The following CTNND2 variants were observed in gnomAD, a reference collection of about 807,000 sequenced individuals.
CTNND2 encodes the protein catenin delta-2.
Under a neutral mutation model 144.4 loss-of-function variants are expected in CTNND2, and 22 were observed. The ratio of observed to expected loss-of-function variants is 0.15; its 90% CI spans 0.11 to 0.22. The LOEUF (loss-of-function observed/expected upper bound fraction) is 0.22. Among genes scored for constraint, CTNND2 ranks in the 10% least tolerant of loss-of-function variants. The pLI is 1.00. For synonymous variants in CTNND2, 751 were observed against 695.6 expected, an observed-to-expected ratio of 1.08 and a Z score of -1.25; for missense variants, 1,353 against 1,618.8, an observed-to-expected ratio of 0.84 and a Z score of 2.82.
At chr5:11,150,776 G>A (rs557200067) in intron 12 of CTNND2, among the ~76,000 whole-genome samples, 21 of 151,978 alleles carry the variant, frequency 1.4e-4, no homozygotes, top group Non-Finnish European at 2.1e-4. Flanking sequence ...ACAGGTGCCC[G>A]CCAGCTCACC....
At chr5:10,997,043 G>T (rs183390825) in intron 18 of CTNND2, among the ~76,000 whole-genome samples, 12 of 152,226 alleles carry the variant, frequency 7.9e-5, no homozygotes, top group African/African-American at 2.6e-4. Context: ...GGAGGCTTGG[G>T]TGATTGTGAC....
chr5:11,829,499 G>C (rs528581659), intron 1 of CTNND2, among the ~76,000 whole-genome samples: 124 of 152,314 alleles, frequency 8.1e-4, no homozygotes, highest in African/African-American at 2.9e-3. Flanking sequence ...GTAAAGCTCA[G>C]GCCATGGCTT....
At chr5:11,708,853 C>T (rs1399610773) in intron 2 of CTNND2, among the ~76,000 whole-genome samples, 2 of 152,198 alleles carry the variant, frequency 1.3e-5, no homozygotes, top group Non-Finnish European at 2.9e-5. Flanking sequence ...GACCCACAGG[C>T]ATCCACTGAT....
intron 1 of CTNND2, among the ~76,000 whole-genome samples, chr5:11,894,844 C>A (rs1465234897): frequency 6.6e-6 from 1 of 152,142 alleles, no homozygotes; most frequent in Non-Finnish European, 1.5e-5. Flanking sequence ...CAAAACCAAC[C>A]CAAAGCAAGC....
At chr5:11,150,570 C>G (rs567278458) in intron 12 of CTNND2, among the ~76,000 whole-genome samples, 3 of 149,290 alleles carry the variant, frequency 2.0e-5, no homozygotes, top group South Asian at 2.1e-4. Context: ...GCTCTGCATG[C>G]TGACATCAGG....
At chr5:11,880,138 CCT>C (rs1735919490) in intron 1 of CTNND2, among the ~76,000 whole-genome samples, 1 of 152,118 alleles carries the variant, frequency 6.6e-6, no homozygotes, top group South Asian at 2.1e-4. Context: ...CTTAATTCAT[CCT>C]GATACACAAC....
chr5:11,168,567 G>A (rs1759579261), intron 11 of CTNND2, among the ~76,000 whole-genome samples: 2 of 152,078 alleles, frequency 1.3e-5, no homozygotes, highest in Non-Finnish European at 2.9e-5. Flanking sequence ...CAAGAACTTT[G>A]AAAAAATGTC....
At chr5:11,388,238 T>A (rs531436785) in intron 6 of CTNND2, among the ~76,000 whole-genome samples, 89 of 152,356 alleles carry the variant, frequency 5.8e-4, no homozygotes, top group African/African-American at 1.5e-3. Context: ...TGAATCCATT[T>A]GCATAAGAAG....
rs557008972 is a variant in CTNND2, at chr5:11,442,818, A to G, written c.288-30749T>C. On this transcript the variant is annotated intron_variant, in intron 3 of 21. Transcript: ENST00000304623. ...ATATATGTATATAATTTTATATAAT[A>G]TATAATGATTATATTATAATTTTAT... is the stretch of plus-strand genomic sequence containing the variant. Among the ~76,000 whole-genome samples the G allele has an allele frequency of 1.1e-4, 16 of 143,444 alleles. No individual in the cohort carries two copies. The East Asian group carries it at 3.2e-3, about 28-fold the overall frequency. 94.1% of individuals were successfully genotyped at this position (143,444 alleles called of 152,430 possible). A position where few individuals can be genotyped will look rare whatever the true frequency, so the allele number is the denominator to read the frequency against.
intron 1 of CTNND2, among the ~76,000 whole-genome samples, chr5:11,746,672 A>C (rs1240202025): frequency 1.3e-5 from 2 of 152,130 alleles, no homozygotes; most frequent in African/African-American, 2.4e-5. Flanking sequence ...TACATCCCCT[A>C]ATTAGTTCAT....
chr5:11,864,882 CCTTTT>C (rs1560941926), intron 1 of CTNND2, among the ~76,000 whole-genome samples: 4 of 116,216 alleles, frequency 3.4e-5, no homozygotes, highest in African/African-American at 6.5e-5. Context: ...TCTTCTTCTT[CCTTTT>C]TTTTTTTTTT....
intron 9 of CTNND2, among the ~76,000 whole-genome samples, chr5:11,242,345 A>G (rs982821994): frequency 1.2e-4 from 19 of 152,220 alleles, no homozygotes; most frequent in African/African-American, 4.3e-4. Flanking sequence ...TGAAGCTGGA[A>G]TAAAATTCTA....
chr5:11,120,547 A>G (rs1314040740), intron 12 of CTNND2, among the ~76,000 whole-genome samples: 1 of 56,958 alleles, frequency 1.8e-5, no homozygotes, highest in Non-Finnish European at 3.5e-5. Context: ...GGGGGTTATC[A>G]TACTGTCCGC....
intron 12 of CTNND2, among the ~76,000 whole-genome samples, chr5:11,141,482 G>A (rs531395731): frequency 1.1e-4 from 17 of 152,190 alleles, no homozygotes; most frequent in South Asian, 2.1e-4. Flanking sequence ...TTTGGAAGGC[G>A]TCTTCAGTAA....
At chr5:11,142,481 G>A (rs1402340729) in intron 12 of CTNND2, among the ~76,000 whole-genome samples, 1 of 152,104 alleles carries the variant, frequency 6.6e-6, no homozygotes, top group East Asian at 1.9e-4. Flanking sequence ...GAACACACCA[G>A]GAATACTTCC....
intron 2 of CTNND2, among the ~76,000 whole-genome samples, chr5:11,723,853 G>A (rs567042514): frequency 1.4e-4 from 21 of 152,156 alleles, no homozygotes; most frequent in African/African-American, 3.6e-4. Flanking sequence ...TCAGGAGATC[G>A]AGACATTCCT....
At chr5:11,380,089 C>G (rs1215751824) in intron 7 of CTNND2, among the ~76,000 whole-genome samples, 2 of 152,200 alleles carry the variant, frequency 1.3e-5, no homozygotes, top group Non-Finnish European at 2.9e-5. Flanking sequence ...CAGGTGCACA[C>G]TGAACCCCAC....
At chr5:11,464,112 C>A (rs1187456107) in intron 3 of CTNND2, among the ~76,000 whole-genome samples, 1 of 152,132 alleles carries the variant, frequency 6.6e-6, no homozygotes, top group Non-Finnish European at 1.5e-5. Flanking sequence ...TTCATTCATT[C>A]ATCTGATATT....
intron 1 of CTNND2, among the ~76,000 whole-genome samples, chr5:11,879,352 T>TATATATATACATAC (rs1553988803): frequency 1.5e-5 from 2 of 137,204 alleles, no homozygotes; most frequent in African/African-American, 5.4e-5. Flanking sequence ...TATATATATA[T>TATATATATACATAC]ATATACATAT....
Sources: gnomAD v4.1 joint callset for allele counts (sites outside exome capture counted in the v4.1 genomes callset) on GRCh38, gnomAD v4.1.1 for gene constraint, MANE v1.5 for transcripts, NCBI Gene and HGNC (gene_info 2026-07-23, HGNC 2026-07-21) for gene names.